EYA4: variants seen among roughly 807,000 people sequenced by gnomAD.
EYA4 encodes protein phosphatase EYA4.
EYA4 carries 31 observed loss-of-function variants against 87.9 expected under a neutral mutation model. That is an observed-to-expected ratio of 0.35 (90% confidence interval 0.27 to 0.48). EYA4 has a LOEUF of 0.48. EYA4 is among the 20% of genes least tolerant of loss of function. EYA4 has a pLI of 0.99. For missense variants in EYA4, 678 were observed against 761.4 expected, an observed-to-expected ratio of 0.89 and a Z score of 1.29; for synonymous variants, 263 against 270.6, an observed-to-expected ratio of 0.97 and a Z score of 0.28.
chr6:133,300,451 T>G (rs1181654663), intron 2 of EYA4, among the ~76,000 whole-genome samples: 1 of 152,206 alleles, frequency 6.6e-6, no homozygotes, highest in Admixed American at 6.5e-5. Flanking sequence ...TAGTTTCTTT[T>G]ACTGGCCAGT....
intron 3 of EYA4, among the ~76,000 whole-genome samples, chr6:133,412,214 C>T (rs981623783): frequency 6.6e-6 from 1 of 152,170 alleles, no homozygotes; most frequent in African/African-American, 2.4e-5. Flanking sequence ...TCATGACTTT[C>T]ATGATGTAAG....
At chr6:133,252,794 C>T (rs141027378) in intron 1 of EYA4, among the ~76,000 whole-genome samples, 306 of 152,200 alleles carry the variant, frequency 2.0e-3, no homozygotes, top group African/African-American at 6.9e-3. Flanking sequence ...TGCAAAGATA[C>T]TTGAAATTCC....
intron 5 of EYA4, among the ~76,000 whole-genome samples, chr6:133,451,478 C>G (rs1793434874): frequency 6.6e-6 from 1 of 152,146 alleles, no homozygotes; most frequent in Non-Finnish European, 1.5e-5. Context: ...ATGAACTACA[C>G]TTCATATACA....
At chr6:133,409,603 A>G (rs1261812438) in intron 3 of EYA4, among the ~76,000 whole-genome samples, 2 of 152,214 alleles carry the variant, frequency 1.3e-5, no homozygotes, top group Non-Finnish European at 2.9e-5. Flanking sequence ...ACTATAACCT[A>G]TGTATATCTC....
chr6:133,329,847 G>A (rs1781785650), intron 2 of EYA4, among the ~76,000 whole-genome samples: 1 of 152,002 alleles, frequency 6.6e-6, no homozygotes, highest in Non-Finnish European at 1.5e-5. Flanking sequence ...ATTTATAGAC[G>A]TGAATGGTGA....
At chr6:133,423,322 GT>G (rs1790381484) in intron 3 of EYA4, among the ~76,000 whole-genome samples, 1 of 152,154 alleles carries the variant, frequency 6.6e-6, no homozygotes, top group Non-Finnish European at 1.5e-5. Context: ...CGGTGTTACA[GT>G]TAGTAGTAGT....
At chr6:133,477,192 T>A (rs535461205) in intron 11 of EYA4, among the ~76,000 whole-genome samples, 2 of 152,198 alleles carry the variant, frequency 1.3e-5, no homozygotes, top group South Asian at 4.1e-4. Flanking sequence ...TTTATAGCGA[T>A]GTGAAAATGG....
chr6:133,462,183 A>G (rs1794454263), intron 7 of EYA4, 152 bp from the exon 8 acceptor site: 1 of 926,212 alleles, frequency 1.1e-6, no homozygotes, highest in Admixed American at 1.9e-5. Flanking sequence ...AGCTCCTGAC[A>G]TTCAGACTGT....
intron 2 of EYA4, among the ~76,000 whole-genome samples, chr6:133,277,396 A>T (rs1378176772): frequency 2.0e-5 from 3 of 152,198 alleles, no homozygotes; most frequent in African/African-American, 7.2e-5. Context: ...CATAATAGGT[A>T]GTTAAGGGCA....
At position 133,521,879 on chromosome 6, in the gene EYA4, A is replaced by G. The variant is rs533736681; in HGVS notation, c.1617-1177A>G. ...CTATCGCAAGAACAAAAAACCAAAC[A>G]CTGCATATTCTCACTCATAGGTGGA... On this transcript the variant is annotated intron_variant, in intron 17 of 19. Transcript: ENST00000355286. Among the ~76,000 whole-genome samples, 4 of 140,902 alleles carry G rather than the reference A, an allele frequency of 2.8e-5. No homozygotes were observed. The South Asian group carries it at 9.8e-4, about 35-fold the overall frequency. The allele number at this position is 140,902 out of a possible 152,430, so 92.4% of individuals were successfully genotyped here.
chr6:133,497,820 C>A (rs1265669098), intron 13 of EYA4, among the ~76,000 whole-genome samples: 1 of 152,022 alleles, frequency 6.6e-6, no homozygotes, highest in Admixed American at 6.6e-5. Context: ...TAAAGTTATT[C>A]CACAGTAAGG....
At chr6:133,361,655 G>C (rs1327155818) in intron 2 of EYA4, among the ~76,000 whole-genome samples, 1 of 152,216 alleles carries the variant, frequency 6.6e-6, no homozygotes, top group Non-Finnish European at 1.5e-5. Flanking sequence ...TTCTGGAAGA[G>C]AAAGAATGAA....
chr6:133,475,395 CAAT>C (rs1201894967), intron 11 of EYA4, among the ~76,000 whole-genome samples: 1 of 151,938 alleles, frequency 6.6e-6, no homozygotes, highest in African/African-American at 2.4e-5. Context: ...TCTTGTATAA[CAAT>C]ATTATGTTTT....
chr6:133,259,553 G>T (rs1336094902), intron 1 of EYA4, among the ~76,000 whole-genome samples: 2 of 152,072 alleles, frequency 1.3e-5, no homozygotes, highest in South Asian at 2.1e-4. Context: ...GAGGAAAAAG[G>T]GTACTCAAAC....
chr6:133,288,136 T>TAA (rs145832550), intron 2 of EYA4, among the ~76,000 whole-genome samples: 3 of 151,362 alleles, frequency 2.0e-5, no homozygotes, highest in East Asian at 1.9e-4. Flanking sequence ...TCCATTTCAA[T>TAA]AAAAAAAAGG....
intron 6 of EYA4, among the ~76,000 whole-genome samples, chr6:133,460,612 A>T (rs1355260641): frequency 6.6e-6 from 1 of 152,046 alleles, no homozygotes; most frequent in Non-Finnish European, 1.5e-5. Context: ...TGATGGGTAA[A>T]ATGAGAGGAA....
At chr6:133,465,553 TA>T (rs1025072368) in intron 10 of EYA4, among the ~76,000 whole-genome samples, 1 of 152,140 alleles carries the variant, frequency 6.6e-6, no homozygotes, top group Non-Finnish European at 1.5e-5. Flanking sequence ...CCTGAATAAG[TA>T]AATCAGCTCG....
At chr6:133,295,359 G>A (rs1562259289) in intron 2 of EYA4, among the ~76,000 whole-genome samples, 1 of 152,142 alleles carries the variant, frequency 6.6e-6, no homozygotes. Flanking sequence ...AGCCTTACTA[G>A]GACAACTGTC....
rs970046822 is a variant in EYA4 at position 133,512,980 on chromosome 6, G to T, written c.1443G>T (p.Leu481Phe). 9 of 1,613,980 alleles carry T rather than the reference G, an allele frequency of 5.6e-6. No homozygotes were observed. The highest frequency in any genetic ancestry group is 1.6e-4 in the Middle Eastern group (1 of 6,084). ...VRGGVDWMRKLAFRYRRVKEL... is the reference protein window; with the variant it reads ...VRGGVDWMRKFAFRYRRVKEL... ...GAGGGGTTGACTGGATGAGGAAGTT[G>T]GCTTTTCGTTACAGAAGAGTAAAAG... The change falls in exon 16 of 20, where the codon TTG (leucine) becomes TTT (phenylalanine). Residue 481 changes from leucine to phenylalanine, a missense_variant. Transcript: ENST00000355286.
Sources: allele counts gnomAD v4.1 joint callset (sites outside exome capture counted in the v4.1 genomes callset), GRCh38; gene constraint gnomAD v4.1.1; transcripts MANE v1.5; gene names NCBI Gene and HGNC (gene_info 2026-07-23, HGNC 2026-07-21).